PITPNC1: variants seen among roughly 807,000 people sequenced by gnomAD.
PITPNC1 encodes the protein cytoplasmic phosphatidylinositol transfer protein 1.
Under a neutral mutation model 44.7 loss-of-function variants are expected in PITPNC1, and 18 were observed. That is an observed-to-expected ratio of 0.40 (90% CI 0.28 to 0.60). PITPNC1 has a LOEUF of 0.60. PITPNC1 is among the 20% of genes least tolerant of loss of function. The pLI is 0.39. For synonymous variants in PITPNC1, 141 were observed against 149.6 expected (o/e 0.94, Z 0.42); for missense variants, 290 against 418.4 (o/e 0.69, Z 2.68).
intron 1 of PITPNC1, among the ~76,000 whole-genome samples, chr17:67,493,401 A>T (rs1300584335): frequency 6.6e-6 from 1 of 152,220 alleles, no homozygotes; most frequent in Admixed American, 6.5e-5. Flanking sequence ...CCATCTCGAG[A>T]CTCAGAAATA....
At chr17:67,641,904 T>G (rs1469409490) in intron 6 of PITPNC1, among the ~76,000 whole-genome samples, 1 of 152,126 alleles carries the variant, frequency 6.6e-6, no homozygotes, top group Non-Finnish European at 1.5e-5. Flanking sequence ...ATTATGGTAC[T>G]GCAAGAAACA....
At chr17:67,675,443 A>T in intron 7 of PITPNC1, 36 bp from the exon 8 acceptor site, 1 of 1,379,958 alleles carries the variant, frequency 7.2e-7, no homozygotes, top group East Asian at 2.3e-5. Flanking sequence ...TTCATCAAAG[A>T]TGCTATTATT....
At chr17:67,603,774 A>T (rs896672771) in intron 5 of PITPNC1, among the ~76,000 whole-genome samples, 10 of 152,068 alleles carry the variant, frequency 6.6e-5, no homozygotes, top group African/African-American at 2.4e-4. Context: ...TACTAAAAAT[A>T]CAAAAATTAG....
At chr17:67,514,443 C>T (rs1458055235) in intron 1 of PITPNC1, among the ~76,000 whole-genome samples, 2 of 149,880 alleles carry the variant, frequency 1.3e-5, no homozygotes, top group Admixed American at 6.7e-5. Flanking sequence ...TCAGGTGATC[C>T]GCCTGCCTCG....
intron 1 of PITPNC1, among the ~76,000 whole-genome samples, chr17:67,455,219 A>G (rs2039238650): frequency 6.6e-6 from 1 of 152,170 alleles, no homozygotes; most frequent in Non-Finnish European, 1.5e-5. Flanking sequence ...ATATTCTTCT[A>G]TAACCTGAAT....
intron 1 of PITPNC1, among the ~76,000 whole-genome samples, chr17:67,428,520 G>A (rs1160914606): frequency 1.3e-5 from 2 of 149,310 alleles, no homozygotes; most frequent in Non-Finnish European, 3.0e-5. Context: ...GCAACAGAGT[G>A]AGACCCTATC....
Position 67,508,545 on chromosome 17 carries a change from T to C in PITPNC1, c.49-24257T>C, listed in dbSNP as rs1226738259. The stretch of plus-strand genomic sequence containing the variant: ...ACTGCAAACCTGTTTTTTTATGACC[T>C]GTATCTCACGCCGACCTTCTGTCTC... On this transcript the variant is annotated intron_variant, in intron 1 of 8. Transcript: ENST00000581322. This position sits in a 1 kb window ranked among gnomAD's most constrained non-coding sequence, Gnocchi z 4.2. Among the ~76,000 whole-genome samples, 1 of 152,206 alleles carries C rather than the reference T, an allele frequency of 6.6e-6. No homozygotes were observed. Among genetic ancestry groups the C allele is most frequent in the African/African-American group, 2.4e-5 (1 of 41,458 alleles).
At chr17:67,476,444 C>T (rs1007514686) in intron 1 of PITPNC1, among the ~76,000 whole-genome samples, 2 of 152,026 alleles carry the variant, frequency 1.3e-5, no homozygotes, top group Non-Finnish European at 2.9e-5. Context: ...GCCTTGGCCT[C>T]CCAAAGTGCT....
chr17:67,440,650 A>T (rs1367139987), intron 1 of PITPNC1, among the ~76,000 whole-genome samples: 1 of 151,162 alleles, frequency 6.6e-6, no homozygotes, highest in Non-Finnish European at 1.5e-5. Flanking sequence ...CTCCCACCTT[A>T]GTCTCCCAAG....
At chr17:67,410,421 C>G (rs913382150) in intron 1 of PITPNC1, among the ~76,000 whole-genome samples, 1 of 152,110 alleles carries the variant, frequency 6.6e-6, no homozygotes, top group Non-Finnish European at 1.5e-5. Flanking sequence ...CTCTGTCACC[C>G]AGGCGGGAGT....
intron 5 of PITPNC1, among the ~76,000 whole-genome samples, chr17:67,594,185 C>A (rs746605535): frequency 6.6e-6 from 1 of 152,170 alleles, no homozygotes; most frequent in South Asian, 2.1e-4. Flanking sequence ...AACGGGACTT[C>A]GCTGTTCTGA....
At chr17:67,649,399 A>G (rs1218040706) in intron 6 of PITPNC1, among the ~76,000 whole-genome samples, 1 of 152,240 alleles carries the variant, frequency 6.6e-6, no homozygotes, top group Non-Finnish European at 1.5e-5. Context: ...CCCCTTGGGC[A>G]TTATTGAAAA....
chr17:67,598,154 G>A (rs917750579), intron 5 of PITPNC1, among the ~76,000 whole-genome samples: 2 of 152,038 alleles, frequency 1.3e-5, no homozygotes, highest in Non-Finnish European at 2.9e-5. Flanking sequence ...CCAGGGAGTC[G>A]GAGGTTGCAG....
chr17:67,614,710 A>G (rs138299587), intron 5 of PITPNC1, among the ~76,000 whole-genome samples: 137 of 151,178 alleles, frequency 9.1e-4, no homozygotes, highest in African/African-American at 2.9e-3. Flanking sequence ...AAATAAAAAT[A>G]AATTAAAAAT....
chr17:67,631,456 C>T (rs1598909202), intron 5 of PITPNC1, among the ~76,000 whole-genome samples: 1 of 138,098 alleles, frequency 7.2e-6, no homozygotes, highest in Non-Finnish European at 1.6e-5. Context: ...GGTGAAACCC[C>T]GTCTCTACTA....
rs564608098 is a variant in PITPNC1 at position 67,398,951 on chromosome 17, T to C, written c.48+20749T>C. ...ATTTGCTTCAAAGGCCGAGTAACCA[T>C]AGAGTGGTTGACGCAGAGTTCTTCG... is the stretch of plus-strand genomic sequence containing the variant. On this transcript the variant is annotated intron_variant, in intron 1 of 8. Transcript: ENST00000581322. Among the ~76,000 whole-genome samples the C allele has an allele frequency of 9.9e-5, 15 of 151,530 alleles. No homozygotes were observed. The South Asian group carries it at 2.7e-3, about 27-fold the overall frequency.
At chr17:67,466,652 G>T (rs2039432099) in intron 1 of PITPNC1, among the ~76,000 whole-genome samples, 2 of 152,062 alleles carry the variant, frequency 1.3e-5, no homozygotes, top group African/African-American at 2.4e-5. Flanking sequence ...TAGCCCTTTT[G>T]CTTGAAAAAC....
intron 2 of PITPNC1, among the ~76,000 whole-genome samples, chr17:67,549,722 T>C (rs759835578): frequency 2.0e-5 from 3 of 151,920 alleles, no homozygotes; most frequent in Non-Finnish European, 4.4e-5. Context: ...TGCATGAGGA[T>C]TGGAGTGAAT....
chr17:67,638,868 G>C (rs1243906991), intron 6 of PITPNC1: 2 of 152,170 alleles, frequency 1.3e-5, no homozygotes, highest in East Asian at 1.9e-4. Flanking sequence ...CAGCACTTTG[G>C]GGGAGGCTGA....
Sources: allele counts gnomAD v4.1 joint callset (sites outside exome capture counted in the v4.1 genomes callset), GRCh38; gene constraint gnomAD v4.1.1; non-coding constraint Gnocchi (gnomAD v3.1); transcripts MANE v1.5; gene names NCBI Gene and HGNC (gene_info 2026-07-23, HGNC 2026-07-21).